Variants in PCMTD1 observed in about 807,000 individuals in gnomAD.
PCMTD1 encodes protein-L-isoaspartate O-methyltransferase domain-containing protein 1.
In PCMTD1, 12 loss-of-function variants were observed where a neutral mutation model predicts 37.6. The observed-to-expected ratio is 0.32, with a 90% confidence interval of 0.20 to 0.52. The LOEUF (loss-of-function observed/expected upper bound fraction) is 0.52. PCMTD1 is among the 20% of genes least tolerant of loss of function. The pLI is 0.97. For missense variants in PCMTD1, 235 were observed against 421.3 expected (o/e 0.56, Z 3.87); for synonymous variants, 117 against 135.8 (o/e 0.86, Z 0.96).
At chr8:51,858,008 TTAA>T (rs151045869) in intron 2 of PCMTD1, among the ~76,000 whole-genome samples, 1 of 118,656 alleles carries the variant, frequency 8.4e-6, no homozygotes, top group Non-Finnish European at 2.0e-5. Flanking sequence ...AATGAATAAA[TTAA>T]TAATAATAAT....
At chr8:51,869,111 AATTG>A (rs1219017989) in intron 1 of PCMTD1, among the ~76,000 whole-genome samples, 1 of 152,188 alleles carries the variant, frequency 6.6e-6, no homozygotes, top group African/African-American at 2.4e-5. Flanking sequence ...TCAATATTAG[AATTG>A]ATTATAATTG....
rs2037833671 is a variant in PCMTD1, at chr8:51,820,644, C to G, written c.781G>C (p.Asp261His). 6.2e-7 allele frequency: 1 copy of G among 1,613,666 alleles called. No homozygotes were observed. The highest frequency in any genetic ancestry group is 8.5e-7 in the Non-Finnish European group (1 of 1,179,940). Residue 261 changes from aspartate (D) to histidine (H), a missense_variant, in exon 6 of 6, where the codon GAT becomes CAT. Asp to His is a moderately conservative substitution (Grantham distance 81). This residue lies in a region of PCMTD1 where 183 missense variants were observed against 349.3 expected (regional missense o/e 0.52). Coordinates refer to ENST00000522514, the MANE Select transcript of PCMTD1 (RefSeq NM_052937.4). ...GGAATCCCCTTGGCCTGCATCTCATCATTTATGAAATTTCTAAGTGTGCGT... is the reference window on the plus strand; with the variant it reads ...GGAATCCCCTTGGCCTGCATCTCATGATTTATGAAATTTCTAAGTGTGCGT... The part of the protein sequence containing the change: ...IRRTLRNFIN[D>H]EMQAKGIPQR...
intron 1 of PCMTD1, among the ~76,000 whole-genome samples, chr8:51,864,043 G>A (rs2038514344): frequency 6.6e-6 from 1 of 152,030 alleles, no homozygotes; most frequent in South Asian, 2.1e-4. Context: ...ACTCACTTTA[G>A]CCTTAGGACA....
chr8:51,822,026 T>C (rs1307897411), intron 5 of PCMTD1, among the ~76,000 whole-genome samples: 2 of 152,302 alleles, frequency 1.3e-5, no homozygotes, highest in African/African-American at 2.4e-5. Context: ...TGAGCCACCG[T>C]GCCTGGCCCT....
intron 2 of PCMTD1, among the ~76,000 whole-genome samples, chr8:51,852,738 AC>A (rs2038326277): frequency 6.6e-6 from 1 of 152,104 alleles, no homozygotes; most frequent in Non-Finnish European, 1.5e-5. Flanking sequence ...TATGTTACCT[AC>A]TCCAGAAAAT....
At chr8:51,868,981 T>G (rs1189141269) in intron 1 of PCMTD1, among the ~76,000 whole-genome samples, 9 of 152,196 alleles carry the variant, frequency 5.9e-5, no homozygotes, top group Non-Finnish European at 1.3e-4. Flanking sequence ...TTTCACTTAA[T>G]AAGCATTTCC....
At position 51,819,709 on chromosome 8, in the gene PCMTD1, G is replaced by A. The variant is rs1308192531; in HGVS notation, c.*642C>T. The A allele has an allele frequency of 6.6e-6, 1 of 152,586 alleles. No homozygotes were observed. Among genetic ancestry groups the A allele is most frequent in the Non-Finnish European group, 1.5e-5 (1 of 68,036 alleles). 9.5% of individuals were successfully genotyped at this position (152,586 alleles called of 1,614,324 possible). A position where few individuals can be genotyped will look rare whatever the true frequency, so the allele number is the denominator to read the frequency against. Reference sequence around the variant, plus strand: ...TGCTGTGCTCTTAAAATCTCTATGAGAGAGGCAGATATTTTACCCATGTCT... The same window carrying A: ...TGCTGTGCTCTTAAAATCTCTATGAAAGAGGCAGATATTTTACCCATGTCT... On this transcript the variant is annotated 3_prime_UTR_variant, in exon 6 of 6. Coordinates refer to ENST00000522514, the MANE Select transcript of PCMTD1 (RefSeq NM_052937.4).
At chr8:51,837,944 TA>T (rs2038091252) in intron 3 of PCMTD1, among the ~76,000 whole-genome samples, 1 of 152,034 alleles carries the variant, frequency 6.6e-6, no homozygotes, top group Non-Finnish European at 1.5e-5. Context: ...CACAATCAGC[TA>T]ATTTTTTGTA....
chr8:51,827,103 A>T lies in PCMTD1; in HGVS notation c.706+4341T>A, dbSNP rs979608112. 6 of 1,003,572 alleles carry T rather than the reference A, an allele frequency of 6.0e-6. No individual in the cohort carries two copies. In the African/African-American group the frequency reaches 1.0e-4, roughly 17 times the overall value. 62.2% of individuals were successfully genotyped at this position (1,003,572 alleles called of 1,614,324 possible). On this transcript the variant is annotated intron_variant, in intron 5 of 5. Transcript: ENST00000522514. Reference sequence around the variant, plus strand: ...CAGAAAGCTATTTTAACTTACTTCTACACACCCACAAAAACTTATTCTCCA... The same window carrying T: ...CAGAAAGCTATTTTAACTTACTTCTTCACACCCACAAAAACTTATTCTCCA...
chr8:51,848,204 G>C (rs2129282051), intron 2 of PCMTD1, among the ~76,000 whole-genome samples: 1 of 152,016 alleles, frequency 6.6e-6, no homozygotes, highest in Non-Finnish European at 1.5e-5. Flanking sequence ...GGTTAATATT[G>C]CTGGCACTCT....
intron 1 of PCMTD1, among the ~76,000 whole-genome samples, chr8:51,868,886 A>C (rs1184461926): frequency 6.6e-6 from 1 of 152,182 alleles, no homozygotes; most frequent in Non-Finnish European, 1.5e-5. Flanking sequence ...TCAAAGAACC[A>C]CTGTCATTAT....
intron 2 of PCMTD1, among the ~76,000 whole-genome samples, chr8:51,846,730 C>T (rs772659622): frequency 2.0e-5 from 3 of 151,212 alleles, no homozygotes; most frequent in Non-Finnish European, 3.0e-5. Context: ...CCATTAGGTA[C>T]TTTTAACCAA....
At chr8:51,875,461 T>A (rs2038696862) in intron 1 of PCMTD1, among the ~76,000 whole-genome samples, 1 of 152,188 alleles carries the variant, frequency 6.6e-6, no homozygotes, top group Non-Finnish European at 1.5e-5. Context: ...AGGATTTATA[T>A]CAGTAGGAAT....
At chr8:51,866,935 C>T (rs533091838) in intron 1 of PCMTD1, among the ~76,000 whole-genome samples, 9 of 151,790 alleles carry the variant, frequency 5.9e-5, no homozygotes, top group Non-Finnish European at 1.2e-4. Flanking sequence ...GCAACCCATA[C>T]ATCTGATAAG....
chr8:51,871,062 T>C (rs1471180472), intron 1 of PCMTD1, among the ~76,000 whole-genome samples: 3 of 152,226 alleles, frequency 2.0e-5, no homozygotes, highest in Admixed American at 6.5e-5. Context: ...ATACCAACTT[T>C]CTTTCATTTC....
rs562373721 is a variant in PCMTD1, at chr8:51,824,401, A to T, written c.707-3683T>A. Among the ~76,000 whole-genome samples the T allele has an allele frequency of 8.5e-5, 13 of 152,318 alleles. No homozygotes were observed. The South Asian group carries it at 1.0e-3, about 12-fold the overall frequency. ...ATCACTAGCATTCCTATACATCAAT[A>T]ACAGACAAACAGAAAGCCAAATCAT... On this transcript the variant is annotated intron_variant, in intron 5 of 5. Coordinates refer to ENST00000522514, the MANE Select transcript of PCMTD1 (RefSeq NM_052937.4).
chr8:51,827,349 G>T, intron 5 of PCMTD1: 1 of 946,538 alleles, frequency 1.1e-6, no homozygotes, highest in Non-Finnish European at 1.5e-6. Context: ...CGCTTTCTAT[G>T]GTCAACCAAG....
intron 1 of PCMTD1, among the ~76,000 whole-genome samples, chr8:51,885,250 C>G (rs1293980186): frequency 6.6e-6 from 1 of 152,100 alleles, no homozygotes; most frequent in Non-Finnish European, 1.5e-5. Flanking sequence ...ACTTTAACTT[C>G]TAAGTATTGG....
chr8:51,820,541 A>G lies in PCMTD1; in HGVS notation c.884T>C (p.Leu295Pro). 1 of 1,612,332 alleles carries G rather than the reference A, an allele frequency of 6.2e-7. No individual in the cohort carries two copies. The highest frequency in any genetic ancestry group is 8.5e-7 in the Non-Finnish European group (1 of 1,179,540). The change falls in exon 6 of 6, where the codon CTT becomes CCT. Residue 295 changes from leucine to proline, a missense_variant. Transcript: ENST00000522514. ...TTCACTGTCTAGAGGCTGAGGAATA[A>G]GCTGATTACCCACAAATACGTAAGT... ...INTYVFVGNQ[L>P]IPQPLDSEED...
Sources: allele counts gnomAD v4.1 joint callset (sites outside exome capture counted in the v4.1 genomes callset), GRCh38; gene constraint gnomAD v4.1.1; regional missense constraint gnomAD v4.1.1; transcripts MANE v1.5; gene names NCBI Gene and HGNC (gene_info 2026-07-23, HGNC 2026-07-21).